Variants in HERC3 observed in about 807,000 individuals in gnomAD.
The protein encoded by HERC3 is HECT and RLD domain containing E3 ubiquitin protein ligase 3, also known as probable E3 ubiquitin-protein ligase HERC3.
A neutral mutation model predicts 129.9 loss-of-function variants in HERC3; 58 were observed. The observed-to-expected ratio is 0.45, with a 90% CI of 0.36 to 0.56. The LOEUF (loss-of-function observed/expected upper bound fraction) is 0.56. Among genes scored for constraint, HERC3 ranks in the 20% least tolerant of loss-of-function variants. The probability of loss-of-function intolerance (pLI) is 0.00; values close to 1 mark genes in which losing one functional copy is unlikely to be tolerated. For synonymous variants in HERC3, 430 were observed against 451.0 expected (o/e 0.95, Z 0.59); for missense variants, 835 against 1,244.2 (o/e 0.67, Z 4.95).
At chr4:88,636,667 A>G (rs1362669238) in intron 3 of HERC3, among the ~76,000 whole-genome samples, 1 of 152,166 alleles carries the variant, frequency 6.6e-6, no homozygotes, top group Non-Finnish European at 1.5e-5. Context: ...AGAGCTCTCC[A>G]CCCCAAAACA....
chr4:88,573,484 T>C, the HERC3 span, among the ~76,000 whole-genome samples: 1 of 152,234 alleles, frequency 6.6e-6, no homozygotes, highest in Admixed American at 6.5e-5. Context: ...TTGCCTACTT[T>C]GACTTCTGGA....
intron 3 of HERC3, among the ~76,000 whole-genome samples, chr4:88,635,354 A>C (rs1183081150): frequency 1.3e-5 from 2 of 152,074 alleles, no homozygotes; most frequent in Non-Finnish European, 2.9e-5. Flanking sequence ...TTCGTGAAGC[A>C]TACACAAGTA....
intron 21 of HERC3, among the ~76,000 whole-genome samples, chr4:88,683,009 G>A (rs1487371602): frequency 2.6e-5 from 4 of 152,096 alleles, no homozygotes; most frequent in Non-Finnish European, 5.9e-5. Flanking sequence ...TTTAATGATC[G>A]CCATTCTGAC....
chr4:88,684,947 G>A (rs1485360171), intron 21 of HERC3: 1 of 152,038 alleles, frequency 6.6e-6, no homozygotes, highest in Non-Finnish European at 1.5e-5. Flanking sequence ...TGCTGCTGAA[G>A]CGAGCACAAA....
intron 8 of HERC3, 84 bp from the exon 9 acceptor site, chr4:88,655,791 A>G (rs1729831487): frequency 2.2e-6 from 3 of 1,379,874 alleles, no homozygotes; most frequent in Non-Finnish European, 3.0e-6. Context: ...TGTGCTGTGC[A>G]CATGTGGAAG....
At chr4:88,527,500 A>G in the HERC3 span, 8 of 174,640 alleles carry the variant, frequency 4.6e-5, no homozygotes, top group Non-Finnish European at 8.3e-5. Context: ...GGCTCAAGTG[A>G]TCCTCCCGCC....
At chr4:88,527,005 T>C in the HERC3 span, among the ~76,000 whole-genome samples, 1 of 152,284 alleles carries the variant, frequency 6.6e-6, no homozygotes, top group East Asian at 1.9e-4. Context: ...TCCTCAATAG[T>C]AAAGTAGTAA....
intron 19 of HERC3, among the ~76,000 whole-genome samples, chr4:88,678,466 A>C (rs1732403244): frequency 6.6e-6 from 1 of 152,224 alleles, no homozygotes; most frequent in Non-Finnish European, 1.5e-5. Context: ...TCATTTAGGA[A>C]GATTGTAGAT....
chr4:88,655,580 A>G (rs1173956105), intron 8 of HERC3, among the ~76,000 whole-genome samples: 2 of 152,192 alleles, frequency 1.3e-5, no homozygotes, highest in Non-Finnish European at 2.9e-5. Context: ...AGAGAGTCCC[A>G]AAGAACTTCT....
At chr4:88,591,609 T>C (rs1384600238), upstream of HERC3, among the ~76,000 whole-genome samples, 1 of 152,132 alleles carries the variant, frequency 6.6e-6, no homozygotes, top group Non-Finnish European at 1.5e-5. Flanking sequence ...GGCAGACACA[T>C]GAAGTCACCT....
chr4:88,559,537 G>C, the HERC3 span, among the ~76,000 whole-genome samples: 1 of 152,168 alleles, frequency 6.6e-6, no homozygotes, highest in Non-Finnish European at 1.5e-5. Context: ...GTGAGATCAC[G>C]CAATTTATTT....
intron 3 of HERC3, among the ~76,000 whole-genome samples, chr4:88,624,104 T>C (rs1350551779): frequency 2.6e-5 from 4 of 152,236 alleles, no homozygotes; most frequent in Admixed American, 2.6e-4. Flanking sequence ...TTGTTGCACA[T>C]GTCAGTAGGT....
At chr4:88,705,144 G>T (rs1055869421) in intron 25 of HERC3, among the ~76,000 whole-genome samples, 2 of 152,282 alleles carry the variant, frequency 1.3e-5, no homozygotes, top group South Asian at 2.1e-4. Context: ...TGGGATTACA[G>T]GTGTGAGCCA....
rs1385846418 is a variant in HERC3 at position 88,704,476 on chromosome 4, T to C, written c.2842-32T>C. The C allele has an allele frequency of 2.8e-6, 4 of 1,429,740 alleles. No individual in the cohort carries two copies. The South Asian group carries it at 3.5e-5, about 12-fold the overall frequency. 88.6% of individuals were successfully genotyped at this position (1,429,740 alleles called of 1,614,324 possible). A position where few individuals can be genotyped will look rare whatever the true frequency, so the allele number is the denominator to read the frequency against. On this transcript the variant is annotated intron_variant, in intron 24 of 25. Transcript: ENST00000402738. ...TGTCCACTATAATATTCTTCCAAGA[T>C]ACATTTTTTTCTTTTTCTCTTTTTT...
At chr4:88,529,647 G>A in the HERC3 span, among the ~76,000 whole-genome samples, 6 of 151,696 alleles carry the variant, frequency 4.0e-5, no homozygotes, top group Admixed American at 6.6e-5. Context: ...CCAGTTACTC[G>A]GGAGGCTGAG....
intron 23 of HERC3, among the ~76,000 whole-genome samples, chr4:88,698,817 C>T (rs1016999714): frequency 1.3e-5 from 2 of 148,772 alleles, no homozygotes; most frequent in South Asian, 2.2e-4. Context: ...GCCTTCTTCC[C>T]CACTCACTGC....
intron 21 of HERC3, among the ~76,000 whole-genome samples, chr4:88,683,969 G>C (rs545169511): frequency 5.9e-5 from 9 of 152,206 alleles, no homozygotes; most frequent in South Asian, 2.1e-4. Context: ...AGAAATAAGA[G>C]ACAACGCAAA....
intron 23 of HERC3, chr4:88,697,488 C>G: frequency 6.2e-7 from 1 of 1,614,178 alleles, no homozygotes; most frequent in Non-Finnish European, 8.5e-7. Flanking sequence ...TATCGCATCG[C>G]TTCTGCAGCT....
In HERC3 at chr4:88,605,218, G is replaced by A. The variant is rs1265184344; in HGVS notation, c.-29-577G>A. On this transcript the variant is annotated intron_variant, in intron 2 of 25. Coordinates refer to ENST00000402738, the MANE Select transcript of HERC3 (RefSeq NM_014606.3). Reference sequence around the variant, plus strand: ...AATCCCAGAGTCTCTCAAGTAGGAAGTGAGGCTTGACTCAAATCTGGAACC... The same window carrying A: ...AATCCCAGAGTCTCTCAAGTAGGAAATGAGGCTTGACTCAAATCTGGAACC... Among the ~76,000 whole-genome samples, 4 of 152,310 alleles carry A rather than the reference G, an allele frequency of 2.6e-5. No individual in the cohort carries two copies. The East Asian group carries it at 7.7e-4, about 29-fold the overall frequency.
Sources: allele counts gnomAD v4.1 joint callset (sites outside exome capture counted in the v4.1 genomes callset), GRCh38; gene constraint gnomAD v4.1.1; transcripts MANE v1.5; gene names NCBI Gene and HGNC (gene_info 2026-07-23, HGNC 2026-07-21).